Variants in DEF6 observed in about 807,000 individuals in gnomAD.
The protein encoded by DEF6 is DEF6 guanine nucleotide exchange factor.
Under a neutral mutation model 80.5 loss-of-function variants are expected in DEF6, and 32 were observed. The ratio of observed to expected loss-of-function variants is 0.40; its 90% confidence interval spans 0.30 to 0.53. The LOEUF (loss-of-function observed/expected upper bound fraction) is 0.53. Among genes scored for constraint, DEF6 ranks in the 20% least tolerant of loss-of-function variants. The pLI is 0.57. For synonymous variants in DEF6, 300 were observed against 337.9 expected (o/e 0.89, Z 1.23); for missense variants, 575 against 818.7 (o/e 0.70, Z 3.63).
Position 35,319,857 on chromosome 6 carries a change from T to C in DEF6, c.1421T>C (p.Met474Thr). ...GAGGAAGAGAAGCTGAAGCAGTTGA[T>C]GCAGCTGAAGGAGGAGCAGGAGCGC... is the stretch of plus-strand genomic sequence containing the variant. The part of the protein sequence containing the change: ...EEEEEKLKQL[M>T]QLKEEQERYI... The change falls in exon 9 of 11, where the codon ATG becomes ACG. Residue 474 changes from methionine to threonine, a missense_variant. Transcript: ENST00000316637. This position sits in a 1 kb window ranked among gnomAD's most constrained non-coding sequence, Gnocchi z 4.5. The C allele has an allele frequency of 6.3e-7, 1 of 1,588,908 alleles. No homozygotes were observed. The highest frequency in any genetic ancestry group is 8.6e-7 in the Non-Finnish European group (1 of 1,167,590).
Position 35,320,958 on chromosome 6 carries a change from T to C in DEF6, c.1656T>C (p.His552=), listed in dbSNP as rs763230510. 4.3e-6 allele frequency: 7 copies of C among 1,612,836 alleles called. No individual in the cohort carries two copies. The highest frequency in any genetic ancestry group is 4.2e-6 in the Non-Finnish European group (5 of 1,179,470). ...ATGTCCAGATGAACCGGCTGATGCA[T>C]CCAATTGAGCCTGGAGGTGAGAAGG... The part of the protein sequence containing the change: ...HWNVQMNRLM[H]PIEPGDKRPV... The change falls in exon 10 of 11, where the codon CAT becomes CAC. Residue 552 remains histidine, a synonymous_variant. Coordinates refer to ENST00000316637, the MANE Select transcript of DEF6 (RefSeq NM_022047.4).
chr6:35,310,580 G>A lies in DEF6; in HGVS notation c.359G>A (p.Arg120His), dbSNP rs149842297. Residue 120 changes from arginine to histidine, a missense_variant, in exon 3 of 11, where the codon CGC becomes CAC. Transcript: ENST00000316637. Reference sequence around the variant, plus strand: ...ATGCTCTCCAATCAGGATGCCTTCCGCCTCTGGTGCCTCTTCAACTTCCTG... The same window carrying A: ...ATGCTCTCCAATCAGGATGCCTTCCACCTCTGGTGCCTCTTCAACTTCCTG... ...NSMLSNQDAF[R>H]LWCLFNFLSE... 15 of 1,614,000 alleles carry A rather than the reference G, an allele frequency of 9.3e-6. No homozygotes were observed. The highest frequency in any genetic ancestry group is 6.7e-5 in the African/African-American group (5 of 74,882).
rs775030898 is a variant in DEF6 at position 35,312,292 on chromosome 6, C to T, written c.424-10C>T. 6.2e-7 allele frequency: 1 copy of T among 1,611,600 alleles called. No homozygotes were observed. Among genetic ancestry groups the T allele is most frequent in the South Asian group, 1.1e-5 (1 of 90,878 alleles). On this transcript the variant is annotated splice_polypyrimidine_tract_variant and intron_variant, in intron 3 of 10. Coordinates refer to ENST00000316637, the MANE Select transcript of DEF6 (RefSeq NM_022047.4). This position sits in a 1 kb window ranked among gnomAD's most constrained non-coding sequence, Gnocchi z 6.6. ...GCTGCAGCTACCAGGCCTTCCTTCT[C>T]CTGCTCCAGGTGGAATACCTGCTGA...
Position 35,312,082 on chromosome 6 carries a change from G to A in DEF6, c.424-220G>A, listed in dbSNP as rs1791475290. ...AAGACAGGAAGGAGTGGGACTGGAG[G>A]TTGTGGACGGGGAGAGAAAACCTGA... On this transcript the variant is annotated intron_variant, in intron 3 of 10. Transcript: ENST00000316637. This position sits in a 1 kb window ranked among gnomAD's most constrained non-coding sequence, Gnocchi z 6.6. Among the ~76,000 whole-genome samples the A allele has an allele frequency of 6.6e-6, 1 of 152,200 alleles. No homozygotes were observed. The highest frequency in any genetic ancestry group is 2.4e-5 in the African/African-American group (1 of 41,430).
chr6:35,310,020 A>C, intron 2 of DEF6, among the ~76,000 whole-genome samples: 1 of 138,942 alleles, frequency 7.2e-6, no homozygotes, highest in Admixed American at 7.5e-5. Context: ...AATGTCCCTC[A>C]TCTCTAATGA....
chr6:35,319,848 A>G lies in DEF6; in HGVS notation c.1412A>G (p.Lys471Arg). 1 of 1,591,464 alleles carries G rather than the reference A, an allele frequency of 6.3e-7. No homozygotes were observed. Residue 471 changes from lysine (K) to arginine (R), a missense_variant, in exon 9 of 11, where the codon AAG (lysine) becomes AGG (arginine). Physicochemically the swap from Lys to Arg is conservative, Grantham distance 26 (BLOSUM62 2). Coordinates refer to ENST00000316637, the MANE Select transcript of DEF6 (RefSeq NM_022047.4). The surrounding 1 kb of genome is among the most constrained non-coding windows in gnomAD (Gnocchi z 4.5). ...CTGGAAGAGGAGGAAGAGAAGCTGA[A>G]GCAGTTGATGCAGCTGAAGGAGGAG... ...RLLEEEEEKLKQLMQLKEEQE... is the reference protein window; with the variant it reads ...RLLEEEEEKLRQLMQLKEEQE...
chr6:35,299,793 G>C (rs1005613913), intron 1 of DEF6, among the ~76,000 whole-genome samples: 2 of 152,172 alleles, frequency 1.3e-5, no homozygotes, highest in African/African-American at 2.4e-5. Context: ...GGGGCCAAGT[G>C]GGGGTGGGGC....
chr6:35,309,831 A>G, intron 2 of DEF6, 21 bp downstream of exon 2: 2 of 1,612,804 alleles, frequency 1.2e-6, no homozygotes, highest in Non-Finnish European at 8.5e-7. Flanking sequence ...GCTTGTAGGG[A>G]GCATCTGTAA....
In DEF6 at chr6:35,310,544, A is replaced by G. The variant is rs1257522477; in HGVS notation, c.323A>G (p.Asn108Ser). Residue 108 changes from asparagine to serine, a missense_variant, in exon 3 of 11, where the codon AAC (asparagine) becomes AGC (serine). Coordinates refer to ENST00000316637, the MANE Select transcript of DEF6 (RefSeq NM_022047.4). The part of the protein sequence containing the change: ...TAKKNYRADS[N>S]GNSMLSNQDA... ...AAGAAGAACTATCGGGCAGATAGCA[A>G]CGGGAACAGTATGCTCTCCAATCAG... The G allele has an allele frequency of 1.2e-6, 2 of 1,614,188 alleles. No individual in the cohort carries two copies. The highest frequency in any genetic ancestry group is 2.2e-5 in the East Asian group (1 of 44,870).
At chr6:35,310,985 TC>T in intron 3 of DEF6, among the ~76,000 whole-genome samples, 1 of 152,344 alleles carries the variant, frequency 6.6e-6, no homozygotes, top group East Asian at 1.9e-4. Context: ...TGCTTTTTTT[TC>T]CTTTACCTTT....
rs1300311306 is a variant in DEF6, at chr6:35,310,485, G to A, written c.264G>A (p.Glu88=). 6.2e-7 allele frequency: 1 copy of A among 1,614,030 alleles called. No homozygotes were observed. Among genetic ancestry groups the A allele is most frequent in the South Asian group, 1.1e-5 (1 of 91,080 alleles). Residue 88 remains glutamate (E), a synonymous_variant, in exon 3 of 11, where the codon GAG becomes GAA. Coordinates refer to ENST00000316637, the MANE Select transcript of DEF6 (RefSeq NM_022047.4). The part of the protein sequence containing the change: ...DKVEEGAFVK[E]HFDELCWTLT... ...TGGAGGAGGGGGCTTTTGTTAAAGAGCACTTTGATGAGCTGTGCTGGACGC... is the reference window on the plus strand; with the variant it reads ...TGGAGGAGGGGGCTTTTGTTAAAGAACACTTTGATGAGCTGTGCTGGACGC...
intron 1 of DEF6, among the ~76,000 whole-genome samples, chr6:35,303,333 T>C (rs1791342161): frequency 6.6e-6 from 1 of 152,076 alleles, no homozygotes; most frequent in Non-Finnish European, 1.5e-5. Flanking sequence ...GGGAGGGCAT[T>C]CATAGGTCCT....
In DEF6 at chr6:35,310,702, C is replaced by A. The variant is rs575677458; in HGVS notation, c.423+58C>A. ...ACTTGGGACCAGACCTAAGCAAAAC[C>A]ATGAATGAGACCAAACCACCTTTGG... is the stretch of plus-strand genomic sequence containing the variant. On this transcript the variant is annotated intron_variant, in intron 3 of 10. Transcript: ENST00000316637. The A allele has an allele frequency of 1.9e-6, 3 of 1,590,930 alleles. No individual in the cohort carries two copies. In the African/African-American group the frequency reaches 4.0e-5, roughly 21 times the overall value.
At position 35,318,052 on chromosome 6, in the gene DEF6, G is replaced by A; in HGVS notation, c.916+53G>A. 1 of 1,571,416 alleles carries A rather than the reference G, an allele frequency of 6.4e-7. No individual in the cohort carries two copies. The highest frequency in any genetic ancestry group is 8.6e-7 in the Non-Finnish European group (1 of 1,157,464). ...TGGGTGGTCCTTAGGCGCCTCATCT[G>A]TGAAAAGGGGGTGATAATACTTTGT... On this transcript the variant is annotated intron_variant, in intron 6 of 10. Transcript: ENST00000316637. The surrounding 1 kb of genome is among the most constrained non-coding windows in gnomAD (Gnocchi z 5.1).
At chr6:35,313,975 G>A (rs901769006) in intron 5 of DEF6, among the ~76,000 whole-genome samples, 24 of 152,292 alleles carry the variant, frequency 1.6e-4, no homozygotes, top group African/African-American at 5.8e-4. Flanking sequence ...GGAACTTCTA[G>A]ATCATATGAT....
intron 1 of DEF6, among the ~76,000 whole-genome samples, chr6:35,305,020 G>A (rs573087325): frequency 6.8e-6 from 1 of 147,066 alleles, no homozygotes; most frequent in African/African-American, 2.5e-5. Context: ...AGGAGGCCGA[G>A]GCAGGAGGAT....
intron 5 of DEF6, 177 bp from the exon 6 acceptor site, chr6:35,317,714 T>G: frequency 3.5e-6 from 2 of 569,266 alleles, no homozygotes; most frequent in Admixed American, 3.2e-5. Context: ...GGCTACAGAG[T>G]TGTGGGGACT....
intron 1 of DEF6, among the ~76,000 whole-genome samples, chr6:35,305,475 G>A (rs934148797): frequency 6.6e-6 from 1 of 152,076 alleles, no homozygotes; most frequent in African/African-American, 2.4e-5. Flanking sequence ...AGGCAACAGA[G>A]TGAGACCCCG....
intron 1 of DEF6, among the ~76,000 whole-genome samples, chr6:35,300,987 G>T (rs1419368034): frequency 6.6e-6 from 1 of 152,110 alleles, no homozygotes; most frequent in East Asian, 1.9e-4. Context: ...GGTTTGATGA[G>T]GATCTTTGGG....
Sources: gnomAD v4.1 joint callset for allele counts (sites outside exome capture counted in the v4.1 genomes callset) on GRCh38, gnomAD v4.1.1 for gene constraint, Gnocchi (gnomAD v3.1) non-coding constraint, MANE v1.5 for transcripts, NCBI Gene and HGNC (gene_info 2026-07-23, HGNC 2026-07-21) for gene names.